The following ANKS1B variants were observed in gnomAD, a reference collection of about 807,000 sequenced individuals.
ANKS1B encodes the protein ankyrin repeat and sterile alpha motif domain-containing protein 1B.
Under a neutral mutation model 148.3 loss-of-function variants are expected in ANKS1B, and 36 were observed. That is an observed-to-expected ratio of 0.24 (90% CI 0.19 to 0.32). The LOEUF is 0.32. Among genes scored for constraint, ANKS1B ranks in the 10% least tolerant of loss-of-function variants. The pLI is 1.00. For missense variants in ANKS1B, 1,157 were observed against 1,542.6 expected (o/e 0.75, Z 4.19); for synonymous variants, 542 against 560.8 (o/e 0.97, Z 0.47).
At chr12:98,798,232 C>T (rs2098968164) in intron 22 of ANKS1B, among the ~76,000 whole-genome samples, 1 of 151,784 alleles carries the variant, frequency 6.6e-6, no homozygotes, top group African/African-American at 2.4e-5. Context: ...AGCGATTCTC[C>T]TGCCTCAGCC....
intron 12 of ANKS1B, among the ~76,000 whole-genome samples, chr12:99,361,511 TGG>T (rs1479400404): frequency 5.9e-5 from 9 of 152,060 alleles, no homozygotes; most frequent in African/African-American, 2.2e-4. Context: ...GTATGTTGAA[TGG>T]GAAGTTAATA....
At chr12:99,960,793 T>C (rs1342481715) in intron 1 of ANKS1B, among the ~76,000 whole-genome samples, 1 of 152,112 alleles carries the variant, frequency 6.6e-6, no homozygotes, top group East Asian at 1.9e-4. Flanking sequence ...TTATAGCCAA[T>C]AACCAGGGAA....
At chr12:99,203,993 C>A (rs1053514585) in intron 14 of ANKS1B, among the ~76,000 whole-genome samples, 1 of 152,088 alleles carries the variant, frequency 6.6e-6, no homozygotes, top group African/African-American at 2.4e-5. Context: ...TGATGTCACC[C>A]CAAATCCAGC....
intron 9 of ANKS1B, among the ~76,000 whole-genome samples, chr12:99,619,051 G>A (rs1336475559): frequency 6.6e-6 from 1 of 152,080 alleles, no homozygotes; most frequent in East Asian, 1.9e-4. Flanking sequence ...TTGGTGACCT[G>A]CTGTGTGTGT....
intron 1 of ANKS1B, among the ~76,000 whole-genome samples, chr12:99,947,421 A>C (rs907290852): frequency 6.6e-6 from 1 of 152,126 alleles, no homozygotes; most frequent in African/African-American, 2.4e-5. Context: ...TTCAGGAAAA[A>C]ACAAGTGGCA....
chr12:98,796,032 T>A (rs2098945712), intron 22 of ANKS1B, among the ~76,000 whole-genome samples: 1 of 152,210 alleles, frequency 6.6e-6, no homozygotes, highest in African/African-American at 2.4e-5. Context: ...ATTTTTAAGA[T>A]CGTCTATTAT....
chr12:99,768,632 C>CG (rs2153616001), intron 8 of ANKS1B, among the ~76,000 whole-genome samples: 1 of 152,080 alleles, frequency 6.6e-6, no homozygotes, highest in African/African-American at 2.4e-5. Context: ...TCGAGACCAT[C>CG]GTGGCCAACA....
At chr12:99,930,655 A>G (rs1249025855) in intron 1 of ANKS1B, among the ~76,000 whole-genome samples, 1 of 152,144 alleles carries the variant, frequency 6.6e-6, no homozygotes. Flanking sequence ...ACCATCTCAC[A>G]CCAGTTAGAA....
At chr12:99,035,521 C>A (rs764317853) in intron 17 of ANKS1B, among the ~76,000 whole-genome samples, 1 of 152,164 alleles carries the variant, frequency 6.6e-6, no homozygotes, top group Non-Finnish European at 1.5e-5. Context: ...TAAAAATGGA[C>A]AATCTCCCCA....
intron 17 of ANKS1B, among the ~76,000 whole-genome samples, chr12:99,052,759 GAAAT>G (rs2099967088): frequency 1.1e-5 from 1 of 87,654 alleles, no homozygotes; most frequent in Admixed American, 1.3e-4. Flanking sequence ...AAAAAAAAAA[GAAAT>G]AGAGACAAGG....
At chr12:99,024,635 T>C (rs560551958) in intron 17 of ANKS1B, among the ~76,000 whole-genome samples, 1 of 152,352 alleles carries the variant, frequency 6.6e-6, no homozygotes, top group African/African-American at 2.4e-5. Flanking sequence ...GTATTTTATA[T>C]GTTTTAAATT....
At chr12:99,159,298 G>A (rs2076397369) in intron 14 of ANKS1B, among the ~76,000 whole-genome samples, 1 of 152,120 alleles carries the variant, frequency 6.6e-6, no homozygotes, top group African/African-American at 2.4e-5. Context: ...GTGATGTTAA[G>A]GTTTGGGGCA....
chr12:99,037,277 G>A (rs2099956135), intron 17 of ANKS1B, among the ~76,000 whole-genome samples: 1 of 152,164 alleles, frequency 6.6e-6, no homozygotes, highest in Non-Finnish European at 1.5e-5. Context: ...AGCACTTTGG[G>A]AGGCCGTGGT....
At chr12:99,746,034 G>A (rs1291140911) in intron 8 of ANKS1B, among the ~76,000 whole-genome samples, 1 of 152,066 alleles carries the variant, frequency 6.6e-6, no homozygotes, top group African/African-American at 2.4e-5. Context: ...CACTCTACCA[G>A]TAATAACAAA....
At chr12:99,100,161 C>T (rs924940888) in intron 15 of ANKS1B, among the ~76,000 whole-genome samples, 2 of 152,100 alleles carry the variant, frequency 1.3e-5, no homozygotes, top group African/African-American at 4.8e-5. Context: ...GGAGCCATTC[C>T]CTTGGAAACT....
rs542524400 is a variant in ANKS1B, at chr12:99,399,735, T to C, written c.1652A>G (p.Asn551Ser). 2.5e-6 allele frequency: 4 copies of C among 1,613,576 alleles called. No individual in the cohort carries two copies. Among genetic ancestry groups the C allele is most frequent in the African/African-American group, 1.3e-5 (1 of 75,042 alleles). Residue 551 changes from asparagine (N) to serine (S), a missense_variant, in exon 12 of 27, where the codon AAC (asparagine) becomes AGC (serine). Physicochemically the swap from Asn to Ser is conservative, Grantham distance 46. Transcript: ENST00000683438. ...AAAGCTTGTGCACCCTGTAGATGTG[T>C]TGATTTCAAAATATTCTTGGTTGTG... Reference protein sequence around the residue: ...MNHNQEYFEINTSTGCTSFTA... With the variant: ...MNHNQEYFEISTSTGCTSFTA...
At chr12:99,480,309 T>A (rs1301514071) in intron 10 of ANKS1B, among the ~76,000 whole-genome samples, 1 of 151,852 alleles carries the variant, frequency 6.6e-6, no homozygotes, top group Non-Finnish European at 1.5e-5. Context: ...ATCAAGAAAA[T>A]GTAGGCACAT....
intron 17 of ANKS1B, among the ~76,000 whole-genome samples, chr12:99,010,663 T>C (rs1489825946): frequency 2.6e-5 from 4 of 152,074 alleles, no homozygotes; most frequent in Non-Finnish European, 5.9e-5. Flanking sequence ...TATCCCACAA[T>C]GTTACTTACA....
chr12:99,268,263 T>C (rs1171897371), intron 12 of ANKS1B, among the ~76,000 whole-genome samples: 3 of 152,210 alleles, frequency 2.0e-5, no homozygotes, highest in Non-Finnish European at 4.4e-5. Flanking sequence ...ATCTGTCATA[T>C]TAAAAGTAAC....
Sources: allele counts gnomAD v4.1 joint callset (sites outside exome capture counted in the v4.1 genomes callset), GRCh38; gene constraint gnomAD v4.1.1; transcripts MANE v1.5; gene names NCBI Gene and HGNC (gene_info 2026-07-23, HGNC 2026-07-21).